PIK3AP1: variants seen among roughly 807,000 people sequenced by gnomAD.
PIK3AP1 encodes the protein phosphoinositide 3-kinase adapter protein 1.
PIK3AP1 carries 21 observed loss-of-function variants against 88.1 expected under a neutral mutation model. The ratio of observed to expected loss-of-function variants is 0.24; its 90% CI spans 0.17 to 0.34. The LOEUF (loss-of-function observed/expected upper bound fraction) is 0.34. Ranked by LOEUF, PIK3AP1 falls within the 10% of genes least tolerant of loss-of-function variation. The probability of loss-of-function intolerance (pLI) is 1.00; values close to 1 mark genes in which losing one functional copy is unlikely to be tolerated. For missense variants in PIK3AP1, 828 were observed against 1,035.7 expected (o/e 0.80, Z 2.75); for synonymous variants, 398 against 400.0 (o/e 1.00, Z 0.06).
chr10:96,656,163 C>T (rs752950762), intron 3 of PIK3AP1, among the ~76,000 whole-genome samples: 4 of 152,186 alleles, frequency 2.6e-5, no homozygotes, highest in Admixed American at 6.5e-5. Context: ...AAATGCCACA[C>T]GTTTTTAATT....
intron 3 of PIK3AP1, among the ~76,000 whole-genome samples, chr10:96,656,163 C>A (rs752950762): frequency 6.6e-6 from 1 of 152,186 alleles, no homozygotes; most frequent in Non-Finnish European, 1.5e-5. Flanking sequence ...AAATGCCACA[C>A]GTTTTTAATT....
intron 11 of PIK3AP1, among the ~76,000 whole-genome samples, chr10:96,622,830 A>C (rs1292086257): frequency 2.0e-5 from 3 of 152,248 alleles, no homozygotes; most frequent in African/African-American, 7.2e-5. Context: ...ACTTCCTTTA[A>C]AACTGTTTAG....
chr10:96,629,178 G>A (rs1043465846), intron 8 of PIK3AP1, among the ~76,000 whole-genome samples: 1 of 151,860 alleles, frequency 6.6e-6, no homozygotes, highest in Non-Finnish European at 1.5e-5. Context: ...ACATAATGTT[G>A]AGTGAAAAAG....
At chr10:96,612,312 G>A (rs1382870524) in intron 13 of PIK3AP1, among the ~76,000 whole-genome samples, 1 of 152,188 alleles carries the variant, frequency 6.6e-6, no homozygotes, top group Non-Finnish European at 1.5e-5. Flanking sequence ...TACCAGCCCA[G>A]TAAGAGCAAA....
chr10:96,668,021 T>C (rs192740419), intron 2 of PIK3AP1, among the ~76,000 whole-genome samples: 52 of 152,350 alleles, frequency 3.4e-4, no homozygotes, highest in African/African-American at 9.9e-4. Context: ...TGGCAAAGTT[T>C]CCTTTTAAAA....
intron 8 of PIK3AP1, among the ~76,000 whole-genome samples, chr10:96,635,979 G>T (rs995981828): frequency 8.6e-5 from 13 of 152,044 alleles, no homozygotes; most frequent in Non-Finnish European, 2.9e-5. Flanking sequence ...AGGCCGAGGG[G>T]GGTGGATCAT....
chr10:96,719,808 G>A (rs1204037623), intron 1 of PIK3AP1, among the ~76,000 whole-genome samples: 1 of 152,164 alleles, frequency 6.6e-6, no homozygotes, highest in African/African-American at 2.4e-5. Flanking sequence ...GTTCTGCAAA[G>A]GACGCAGGAA....
At chr10:96,634,316 G>A (rs1449069061) in intron 8 of PIK3AP1, among the ~76,000 whole-genome samples, 1 of 152,238 alleles carries the variant, frequency 6.6e-6, no homozygotes, top group East Asian at 1.9e-4. Context: ...TAAAGGTACG[G>A]ACAAGGGCTA....
In PIK3AP1 at chr10:96,616,708, T is replaced by A; in HGVS notation, c.1945A>T (p.Asn649Tyr). 6.2e-7 allele frequency: 1 copy of A among 1,614,200 alleles called. No homozygotes were observed. The highest frequency in any genetic ancestry group is 8.5e-7 in the Non-Finnish European group (1 of 1,180,030). The change falls in exon 13 of 17, where the codon AAT becomes TAT. Residue 649 changes from asparagine to tyrosine, a missense_variant. Coordinates refer to ENST00000339364, the MANE Select transcript of PIK3AP1 (RefSeq NM_152309.3). The stretch of plus-strand genomic sequence containing the variant: ...ATGCTGTCTCTTAGCCGTTTAAGAT[T>A]TTCCTGGAAAAAAATTTGGTTTATT... Reference protein sequence around the residue: ...RSESFRFQQENLKRLRDSITR... With the variant: ...RSESFRFQQEYLKRLRDSITR...
At chr10:96,605,398 A>G (rs7073735) in intron 14 of PIK3AP1, among the ~76,000 whole-genome samples, 123,650 of 152,164 alleles carry the variant, frequency 0.81, 50,800 homozygotes, top group East Asian at 0.99. Context: ...GTAAATAACC[A>G]CGTGTGGCCA....
In PIK3AP1 at chr10:96,626,756, C is replaced by T. The variant is rs367613610; in HGVS notation, c.1621G>A (p.Ala541Thr). The T allele has an allele frequency of 7.1e-5, 115 of 1,614,222 alleles. No individual in the cohort carries two copies. The South Asian group carries it at 7.7e-4, about 11-fold the overall frequency. ...PVPVPRPETT[A>T]PGAHQLPDNE... Reference sequence around the variant, plus strand: ...TCAGGCAGCTGGTGAGCACCAGGAGCAGTGGTCTCTGGTCTGGGCACTGGG... The same window carrying T: ...TCAGGCAGCTGGTGAGCACCAGGAGTAGTGGTCTCTGGTCTGGGCACTGGG... The change falls in exon 10 of 17, where the codon GCT (alanine) becomes ACT (threonine). Residue 541 changes from alanine to threonine, a missense_variant. Physicochemically the swap from Ala to Thr is moderately conservative, Grantham distance 58. Transcript: ENST00000339364.
At chr10:96,598,293 C>A (rs994172332) in intron 16 of PIK3AP1, among the ~76,000 whole-genome samples, 10 of 151,898 alleles carry the variant, frequency 6.6e-5, no homozygotes, top group African/African-American at 2.4e-4. Context: ...TCAAGGAATC[C>A]CTCCCTCCCT....
intron 2 of PIK3AP1, among the ~76,000 whole-genome samples, chr10:96,678,416 C>A (rs145051343): frequency 0.018 from 2,719 of 151,990 alleles, 95 homozygotes; most frequent in African/African-American, 0.062. Flanking sequence ...GCCTGGGTGA[C>A]AGAGTGAGAT....
intron 8 of PIK3AP1, among the ~76,000 whole-genome samples, chr10:96,634,609 T>G (rs913236240): frequency 2.0e-5 from 3 of 152,184 alleles, no homozygotes; most frequent in African/African-American, 7.2e-5. Flanking sequence ...CCTCATATGA[T>G]GATCATTGGG....
At chr10:96,693,292 C>T (rs1210910461) in intron 2 of PIK3AP1, among the ~76,000 whole-genome samples, 1 of 152,214 alleles carries the variant, frequency 6.6e-6, no homozygotes, top group Non-Finnish European at 1.5e-5. Flanking sequence ...CTTCCCACCC[C>T]ACCCTGCTCT....
At chr10:96,665,255 A>G (rs946353180) in intron 2 of PIK3AP1, among the ~76,000 whole-genome samples, 6 of 152,258 alleles carry the variant, frequency 3.9e-5, no homozygotes, top group Non-Finnish European at 5.9e-5. Context: ...AGTGTCATCT[A>G]TAAAGGATCC....
intron 8 of PIK3AP1, among the ~76,000 whole-genome samples, chr10:96,631,022 G>A (rs888170774): frequency 2.6e-5 from 4 of 152,098 alleles, no homozygotes; most frequent in Admixed American, 6.5e-5. Context: ...ACTTCAGTTT[G>A]AAACTCATCA....
intron 2 of PIK3AP1, among the ~76,000 whole-genome samples, chr10:96,696,230 G>A (rs566484): frequency 0.6 from 91,033 of 152,036 alleles, 29,790 homozygotes; most frequent in African/African-American, 0.89. Context: ...TTTTCTAAAC[G>A]TAAACAGTGA....
chr10:96,672,339 T>A (rs918312318), intron 2 of PIK3AP1, among the ~76,000 whole-genome samples: 3 of 152,172 alleles, frequency 2.0e-5, no homozygotes, highest in South Asian at 2.1e-4. Flanking sequence ...TCTACTGACA[T>A]CAGCCCAAAT....
Sources: allele counts gnomAD v4.1 joint callset (sites outside exome capture counted in the v4.1 genomes callset), GRCh38; gene constraint gnomAD v4.1.1; transcripts MANE v1.5; gene names NCBI Gene and HGNC (gene_info 2026-07-23, HGNC 2026-07-21).